The following SLA variants were observed in gnomAD, a reference collection of about 807,000 sequenced individuals.
The protein encoded by SLA is src-like-adapter.
Under a neutral mutation model 30.3 loss-of-function variants are expected in SLA, and 16 were observed. The ratio of observed to expected loss-of-function variants is 0.53; its 90% CI spans 0.36 to 0.80. The LOEUF (loss-of-function observed/expected upper bound fraction) is 0.80. Ranked by LOEUF, SLA falls within the 30% of genes least tolerant of loss-of-function variation. SLA has a pLI of 0.01. For missense variants in SLA, 310 were observed against 345.2 expected, an observed-to-expected ratio of 0.90 and a Z score of 0.81; for synonymous variants, 143 against 137.8, an observed-to-expected ratio of 1.04 and a Z score of -0.26.
chr8:133,043,890 T>C (rs900368253), intron 7 of SLA, among the ~76,000 whole-genome samples: 5 of 152,206 alleles, frequency 3.3e-5, no homozygotes, highest in Admixed American at 1.3e-4. Flanking sequence ...GCAACCTCTT[T>C]CTTTCCTCCC....
intron 1 of SLA, among the ~76,000 whole-genome samples, chr8:133,090,571 C>T (rs1006243920): frequency 5.9e-5 from 9 of 152,194 alleles, no homozygotes; most frequent in African/African-American, 1.7e-4. Flanking sequence ...TAGGTTGTAA[C>T]GAGGAGTTTC....
intron 1 of SLA, among the ~76,000 whole-genome samples, chr8:133,078,422 C>G (rs1201158136): frequency 6.6e-6 from 1 of 152,198 alleles, no homozygotes. Flanking sequence ...CCATGTCTTC[C>G]CTGCTCCTCC....
At chr8:133,062,109 CA>C (rs1842448318) in intron 2 of SLA, among the ~76,000 whole-genome samples, 1 of 152,236 alleles carries the variant, frequency 6.6e-6, no homozygotes, top group African/African-American at 2.4e-5. Flanking sequence ...AAGTGAAGCG[CA>C]AATCCCATCC....
intron 7 of SLA, among the ~76,000 whole-genome samples, chr8:133,041,353 T>C (rs1838196681): frequency 1.3e-5 from 2 of 152,240 alleles, no homozygotes; most frequent in African/African-American, 4.8e-5. Flanking sequence ...ACTCAGTCTG[T>C]CACAGGGCGG....
intron 1 of SLA, among the ~76,000 whole-genome samples, chr8:133,089,361 T>C (rs1189344996): frequency 6.6e-6 from 1 of 152,188 alleles, no homozygotes; most frequent in African/African-American, 2.4e-5. Context: ...CTCCATCCTT[T>C]ACTGAGGGCC....
chr8:133,070,811 G>A (rs546166723), intron 2 of SLA, among the ~76,000 whole-genome samples: 1 of 152,366 alleles, frequency 6.6e-6, no homozygotes, highest in East Asian at 1.9e-4. Context: ...GCCCGTGTCT[G>A]CAGGCACCCC....
chr8:133,087,071 TACACACAC>T (rs56028043), intron 1 of SLA, among the ~76,000 whole-genome samples: 17,511 of 142,928 alleles, frequency 0.12, 1,195 homozygotes, highest in Non-Finnish European at 0.15. Flanking sequence ...AATATATGTT[TACACACAC>T]ACACACACAC....
chr8:133,042,492 T>A (rs574113083), intron 7 of SLA, among the ~76,000 whole-genome samples: 2 of 152,234 alleles, frequency 1.3e-5, no homozygotes, highest in African/African-American at 4.8e-5. Flanking sequence ...TGCATCTTTT[T>A]TTTTTAACTG....
At chr8:133,086,897 G>A (rs1481553440) in intron 1 of SLA, among the ~76,000 whole-genome samples, 4 of 152,144 alleles carry the variant, frequency 2.6e-5, no homozygotes, top group Admixed American at 2.0e-4. Context: ...CCCCTAACCT[G>A]TCTATAACAT....
chr8:133,083,654 T>G (rs1019927774), intron 1 of SLA, among the ~76,000 whole-genome samples: 31 of 152,122 alleles, frequency 2.0e-4, no homozygotes, highest in African/African-American at 7.5e-4. Flanking sequence ...TAAGATTTCT[T>G]CAACCCGAAA....
intron 1 of SLA, among the ~76,000 whole-genome samples, chr8:133,082,325 A>T (rs149954433): frequency 6.5e-4 from 99 of 152,354 alleles, no homozygotes; most frequent in African/African-American, 2.3e-3. Context: ...GACTGGGGCA[A>T]CTAGCAAAGG....
intron 3 of SLA, among the ~76,000 whole-genome samples, chr8:133,051,424 G>A (rs1371985609): frequency 6.6e-6 from 1 of 152,180 alleles, no homozygotes; most frequent in Non-Finnish European, 1.5e-5. Flanking sequence ...TTTTGGGGAA[G>A]GAGTGTGAGG....
intron 1 of SLA, among the ~76,000 whole-genome samples, chr8:133,082,601 C>T (rs757873590): frequency 2.2e-4 from 34 of 152,286 alleles, no homozygotes; most frequent in Non-Finnish European, 3.2e-4. Context: ...AAGGCCTTTG[C>T]GGCTAGCTTC....
intron 3 of SLA, among the ~76,000 whole-genome samples, chr8:133,057,349 A>G (rs1480894594): frequency 1.3e-5 from 2 of 152,184 alleles, no homozygotes; most frequent in Non-Finnish European, 2.9e-5. Context: ...CTGGTACAGA[A>G]GTATGTATAG....
At chr8:133,060,771 T>C (rs1227999078) in intron 2 of SLA, among the ~76,000 whole-genome samples, 3 of 152,230 alleles carry the variant, frequency 2.0e-5, no homozygotes, top group Non-Finnish European at 4.4e-5. Context: ...CAACTGTTAC[T>C]TTTGATCATT....
At chr8:133,071,546 A>G (rs909778847) in intron 2 of SLA, among the ~76,000 whole-genome samples, 3 of 152,018 alleles carry the variant, frequency 2.0e-5, no homozygotes, top group African/African-American at 7.3e-5. Context: ...GTGCAATGAG[A>G]GGTGGGTCCA....
chr8:133,061,379 T>G (rs1354822616), intron 2 of SLA, among the ~76,000 whole-genome samples: 1 of 152,208 alleles, frequency 6.6e-6, no homozygotes, highest in African/African-American at 2.4e-5. Flanking sequence ...GTCACAAAAT[T>G]AACTGAGATA....
At chr8:133,059,004 G>A (rs539875219) in intron 3 of SLA, 2 of 462,230 alleles carry the variant, frequency 4.3e-6, no homozygotes, top group East Asian at 6.8e-5. Context: ...GTCCATTTTG[G>A]AAGCAGTGAG....
intron 2 of SLA, among the ~76,000 whole-genome samples, chr8:133,074,275 A>G (rs1269316169): frequency 2.0e-5 from 3 of 152,148 alleles, no homozygotes; most frequent in Admixed American, 6.5e-5. Flanking sequence ...AAGAAGATGC[A>G]TACAATCACA....
Sources: gnomAD v4.1 joint callset for allele counts (sites outside exome capture counted in the v4.1 genomes callset) on GRCh38, gnomAD v4.1.1 for gene constraint, MANE v1.5 for transcripts, NCBI Gene and HGNC (gene_info 2026-07-23, HGNC 2026-07-21) for gene names.